ERICH1: variants seen among roughly 807,000 people sequenced by gnomAD.
ERICH1 encodes the protein glutamate rich 1.
ERICH1 carries 56 observed loss-of-function variants against 39.6 expected under a neutral mutation model. That is an observed-to-expected ratio of 1.41 (90% CI 1.14 to 1.77). ERICH1 has a LOEUF of 1.77. ERICH1 is among the 40% of genes most tolerant of loss of function. The probability of loss-of-function intolerance (pLI) is 0.00; values close to 1 mark genes in which losing one functional copy is unlikely to be tolerated. For missense variants in ERICH1, 826 were observed against 575.4 expected (o/e 1.44, Z -4.45); for synonymous variants, 313 against 223.6 (o/e 1.40, Z -3.57).
chr8:639,149 C>G (rs1463271308), intron 3 of ERICH1, among the ~76,000 whole-genome samples: 1 of 152,104 alleles, frequency 6.6e-6, no homozygotes, highest in African/African-American at 2.4e-5. Flanking sequence ...TGGAAATGCC[C>G]AAAGCCCGGG....
chr8:720,771 C>T (rs1040685971), intron 1 of ERICH1, among the ~76,000 whole-genome samples: 3 of 152,204 alleles, frequency 2.0e-5, no homozygotes, highest in Admixed American at 6.5e-5. Context: ...GCTGAAGGGG[C>T]TCCATGTTGC....
chr8:730,050 G>C (rs951694694), intron 1 of ERICH1, among the ~76,000 whole-genome samples: 13 of 152,104 alleles, frequency 8.5e-5, no homozygotes, highest in African/African-American at 3.1e-4. Flanking sequence ...CCTCGACACT[G>C]AATTCACAGC....
chr8:624,671 G>A (rs1379941294), intron 3 of ERICH1, among the ~76,000 whole-genome samples: 1 of 152,068 alleles, frequency 6.6e-6, no homozygotes, highest in Non-Finnish European at 1.5e-5. Flanking sequence ...GGAGCAGGAG[G>A]AAGAGAGTAA....
At chr8:629,393 C>A (rs1238494495) in intron 3 of ERICH1, among the ~76,000 whole-genome samples, 4 of 143,222 alleles carry the variant, frequency 2.8e-5, no homozygotes, top group African/African-American at 7.5e-5. Context: ...CTGTGACCAC[C>A]CACACACACA....
Position 673,910 on chromosome 8 carries a change from G to C in ERICH1, c.442C>G (p.Gln148Glu), listed in dbSNP as rs1804058141. The change falls in exon 4 of 6, where the codon CAG (glutamine) becomes GAG (glutamate). Residue 148 changes from glutamine to glutamate, a missense_variant. Gln to Glu is a conservative substitution (Grantham distance 29). Transcript: ENST00000262109. ...GTGGTGCCATCTGTGTGCTGTCGCTGAGATTTCTCCTGTAACAGACTCTGC... is the reference window on the plus strand; with the variant it reads ...GTGGTGCCATCTGTGTGCTGTCGCTCAGATTTCTCCTGTAACAGACTCTGC... The part of the protein sequence containing the change: ...KQQSLLQEKS[Q>E]RQHTDGTTIS... The C allele has an allele frequency of 6.2e-7, 1 of 1,613,250 alleles. No individual in the cohort carries two copies. Among genetic ancestry groups the C allele is most frequent in the African/African-American group, 1.3e-5 (1 of 74,882 alleles).
intron 3 of ERICH1, chr8:616,430 C>A (rs1331672079): frequency 6.9e-6 from 3 of 433,330 alleles, no homozygotes; most frequent in Non-Finnish European, 1.4e-5. Flanking sequence ...ACCCCGCACA[C>A]CCCATGCTCT....
Position 689,904 on chromosome 8 carries a change from C to T in ERICH1, c.304+2574G>A, listed in dbSNP as rs531348612. ...CAGTGTTCCTACGACGCGCCAGGAC[C>T]GTGAGCAGAAGAGCGTCCTGCCAGA... On this transcript the variant is annotated intron_variant, in intron 3 of 5. Coordinates refer to ENST00000262109, the MANE Select transcript of ERICH1 (RefSeq NM_207332.3). Among the ~76,000 whole-genome samples, 16 of 152,250 alleles carry T rather than the reference C, an allele frequency of 1.1e-4. No homozygotes were observed. The South Asian group carries it at 1.5e-3, about 14-fold the overall frequency.
At chr8:640,124 C>T (rs1164864958) in intron 3 of ERICH1, among the ~76,000 whole-genome samples, 1 of 152,154 alleles carries the variant, frequency 6.6e-6, no homozygotes, top group Admixed American at 6.5e-5. Context: ...TTGCCTGAGA[C>T]ATGGAAGCAG....
intron 3 of ERICH1, among the ~76,000 whole-genome samples, chr8:624,242 TAA>T (rs1198802447): frequency 6.6e-6 from 1 of 151,984 alleles, no homozygotes; most frequent in African/African-American, 2.4e-5. Context: ...ATAGATGATG[TAA>T]AGATTGGAGA....
At chr8:724,092 A>C (rs931045246) in intron 1 of ERICH1, among the ~76,000 whole-genome samples, 7 of 152,196 alleles carry the variant, frequency 4.6e-5, no homozygotes, top group African/African-American at 1.4e-4. Flanking sequence ...AACCAGAAAT[A>C]ATCCTCAAAT....
At chr8:643,142 T>C (rs1799209384) in intron 3 of ERICH1, among the ~76,000 whole-genome samples, 1 of 152,032 alleles carries the variant, frequency 6.6e-6, no homozygotes, top group South Asian at 2.1e-4. Context: ...GCCTGGAGTC[T>C]CCCGTCCACA....
intron 4 of ERICH1, among the ~76,000 whole-genome samples, chr8:670,983 G>A (rs901394798): frequency 1.3e-5 from 2 of 150,520 alleles, no homozygotes; most frequent in Admixed American, 1.3e-4. Flanking sequence ...TCCAACACCT[G>A]AGCCCACTGG....
chr8:671,223 T>G (rs1358663539), intron 4 of ERICH1, among the ~76,000 whole-genome samples: 2 of 134,280 alleles, frequency 1.5e-5, no homozygotes, highest in Admixed American at 1.5e-4. Context: ...CTGTGCCCAC[T>G]GGTCCCCAGG....
rs200450936 is a variant in ERICH1, at chr8:664,606, G to A, written c.1329C>T (p.Asp443=). 1.9e-6 allele frequency: 3 copies of A among 1,607,894 alleles called. No individual in the cohort carries two copies. Among genetic ancestry groups the A allele is most frequent in the Admixed American group, 1.7e-5 (1 of 58,996 alleles). Residue 443 remains aspartate (D), a synonymous_variant, in exon 6 of 6, where the codon GAC becomes GAT. Transcript: ENST00000262109. The part of the protein sequence containing the change: ...ITHILPEKSS[D] ...GTTCTTAAAGAGATATTCCATTTTA[G>A]TCACTGCTCTTCTCAGGAAGGATAT...
intron 3 of ERICH1, among the ~76,000 whole-genome samples, chr8:639,505 C>A (rs1355216831): frequency 6.6e-6 from 1 of 152,218 alleles, no homozygotes; most frequent in Non-Finnish European, 1.5e-5. Context: ...AAGAGCCGGT[C>A]TGTCATCAGC....
intron 3 of ERICH1, among the ~76,000 whole-genome samples, chr8:636,976 C>T (rs567825885): frequency 2.6e-5 from 4 of 152,330 alleles, no homozygotes; most frequent in African/African-American, 9.6e-5. Flanking sequence ...TCTGCAGGGT[C>T]GGAGGGTTGG....
At chr8:630,163 CACAG>C (rs1487636385) in intron 3 of ERICH1, among the ~76,000 whole-genome samples, 4 of 113,646 alleles carry the variant, frequency 3.5e-5, no homozygotes, top group Non-Finnish European at 7.3e-5. Context: ...TGACCACCCA[CACAG>C]ACAGAGCTGA....
rs1802631285 is a variant in ERICH1, at chr8:668,495, A to G, written c.1258+103T>C. On this transcript the variant is annotated intron_variant, in intron 5 of 5. Transcript: ENST00000262109. The stretch of plus-strand genomic sequence containing the variant: ...TCCCATGCCATATGTGCAGTGTCAT[A>G]TTTTCCAACTCATTGCTGTTTTGGT... 2.5e-6 allele frequency: 3 copies of G among 1,221,342 alleles called. No homozygotes were observed. In the Admixed American group the frequency reaches 5.2e-5, roughly 21 times the overall value. The allele number at this position is 1,221,342 out of a possible 1,614,324, so 75.7% of individuals were successfully genotyped here.
At chr8:721,484 C>T (rs545690905) in intron 1 of ERICH1, among the ~76,000 whole-genome samples, 96 of 152,332 alleles carry the variant, frequency 6.3e-4, no homozygotes, top group African/African-American at 1.4e-3. Flanking sequence ...AAGCGCCGAG[C>T]GTGCGGCCCC....
Sources: allele counts gnomAD v4.1 joint callset (sites outside exome capture counted in the v4.1 genomes callset), GRCh38; gene constraint gnomAD v4.1.1; transcripts MANE v1.5; gene names NCBI Gene and HGNC (gene_info 2026-07-23, HGNC 2026-07-21).